The following TNXB variants were observed in gnomAD, a reference collection of about 807,000 sequenced individuals.
The protein encoded by TNXB is tenascin-X.
In TNXB, 183 loss-of-function variants were observed where a neutral mutation model predicts 340.5. The ratio of observed to expected loss-of-function variants is 0.54; its 90% CI spans 0.48 to 0.61. The LOEUF (loss-of-function observed/expected upper bound fraction) is 0.61. Ranked by LOEUF, TNXB falls within the 20% of genes least tolerant of loss-of-function variation. The pLI is 0.00. For missense variants in TNXB, 4,613 were observed against 5,446.4 expected, an observed-to-expected ratio of 0.85 and a Z score of 4.82; for synonymous variants, 2,121 against 2,314.5, an observed-to-expected ratio of 0.92 and a Z score of 2.40.
chr6:32,048,061 C>A, intron 29 of TNXB, 49 bp from the exon 30 acceptor site: 3 of 1,571,922 alleles, frequency 1.9e-6, no homozygotes, highest in Non-Finnish European at 2.6e-6. Flanking sequence ...GGCAAAGGGG[C>A]CACGGAGCTT....
chr6:32,072,756 C>A lies in TNXB; in HGVS notation c.4682-458G>T, dbSNP rs950826256. On this transcript the variant is annotated intron_variant, in intron 12 of 43. Transcript: ENST00000644971. This position sits in a 1 kb window ranked among gnomAD's most constrained non-coding sequence, Gnocchi z 4.4. ...CCTGAGGTCAGGAGTTTGAGGCCAGCCTGGCCAACATGGCGAAACCCTGTT... is the reference window on the plus strand; with the variant it reads ...CCTGAGGTCAGGAGTTTGAGGCCAGACTGGCCAACATGGCGAAACCCTGTT... Among the ~76,000 whole-genome samples, 3 of 152,200 alleles carry A rather than the reference C, an allele frequency of 2.0e-5. No homozygotes were observed. Among genetic ancestry groups the A allele is most frequent in the Admixed American group, 1.3e-4 (2 of 15,282 alleles).
Position 32,062,227 on chromosome 6 carries a change from C to T in TNXB, c.7098G>A (p.Lys2366=), listed in dbSNP as rs778533207. 2.5e-6 allele frequency: 4 copies of T among 1,613,302 alleles called. No homozygotes were observed. Among genetic ancestry groups the T allele is most frequent in the Non-Finnish European group, 3.4e-6 (4 of 1,179,894 alleles). Residue 2366 remains lysine, a synonymous_variant, in exon 20 of 44, where the codon AAG becomes AAA. Coordinates refer to ENST00000644971, the MANE Select transcript of TNXB (RefSeq NM_001365276.2). This position sits in a 1 kb window ranked among gnomAD's most constrained non-coding sequence, Gnocchi z 4.3. ...GGAAGCCGTACAGGTTCATCTTGTA[C>T]TTGTTGTCTGGCTCCAGGCCGGAGA... ...VTISGLEPDN[K]YKMNLYGFHG...
Position 32,081,410 on chromosome 6 carries a change from C to G in TNXB, c.4000G>C (p.Gly1334Arg), listed in dbSNP as rs1413459862. The G allele has an allele frequency of 1.3e-6, 2 of 1,549,770 alleles. No homozygotes were observed. Among genetic ancestry groups the G allele is most frequent in the African/African-American group, 2.7e-5 (2 of 73,276 alleles). Residue 1334 changes from glycine to arginine, a missense_variant, in exon 10 of 44, where the codon GGC becomes CGC. Gly to Arg is a moderately radical substitution (Grantham distance 125, BLOSUM62 -2). This residue lies in a region of TNXB where 4,327 missense variants were observed against 4,859.4 expected (regional missense o/e 0.89). Transcript: ENST00000644971. The surrounding 1 kb of genome is among the most constrained non-coding windows in gnomAD (Gnocchi z 5.1). ...KYKMNLYGLR[G>R]RQRVGPESVV... ...GACTCGGGCCCCACACGCTGCCTGC[C>G]ACGAAGCCCGTAGAGGTTCATCTTA...
In TNXB at chr6:32,089,041, A is replaced by G. The variant is rs1407946890; in HGVS notation, c.2523T>C (p.Asp841=). The change falls in exon 6 of 44, where the codon GAT becomes GAC. Residue 841 remains aspartate, a synonymous_variant. Coordinates refer to ENST00000644971, the MANE Select transcript of TNXB (RefSeq NM_001365276.2). This position sits in a 1 kb window ranked among gnomAD's most constrained non-coding sequence, Gnocchi z 6.2. Reference sequence around the variant, plus strand: ...CCACCACTCGGAGGTCCTGGGGCCCATCGATCACTAGCCAGGTTAAAGAGG... The same window carrying G: ...CCACCACTCGGAGGTCCTGGGGCCCGTCGATCACTAGCCAGGTTAAAGAGG... ...PASKTITTMI[D]GPQDLRVVAV... 2 of 1,608,702 alleles carry G rather than the reference A, an allele frequency of 1.2e-6. No individual in the cohort carries two copies. The highest frequency in any genetic ancestry group is 1.7e-6 in the Non-Finnish European group (2 of 1,177,926).
chr6:32,084,793 C>T lies in TNXB; in HGVS notation c.3149-84G>A. The T allele has an allele frequency of 7.7e-7, 1 of 1,304,848 alleles. No homozygotes were observed. Among genetic ancestry groups the T allele is most frequent in the Non-Finnish European group, 1.0e-6 (1 of 974,334 alleles). 80.8% of individuals were successfully genotyped at this position (1,304,848 alleles called of 1,614,324 possible). ...CTCCTTCCCTCTCCCCTGCCCACCTCACTCCATCCTGGATAGATCCCTCCC... is the reference window on the plus strand; with the variant it reads ...CTCCTTCCCTCTCCCCTGCCCACCTTACTCCATCCTGGATAGATCCCTCCC... On this transcript the variant is annotated intron_variant, in intron 7 of 43. Coordinates refer to ENST00000644971, the MANE Select transcript of TNXB (RefSeq NM_001365276.2). The surrounding 1 kb of genome is among the most constrained non-coding windows in gnomAD (Gnocchi z 5.5).
chr6:32,047,717 G>A lies in TNXB; in HGVS notation c.10324+17C>T. On this transcript the variant is annotated intron_variant, in intron 30 of 43. Transcript: ENST00000644971. This position sits in a 1 kb window ranked among gnomAD's most constrained non-coding sequence, Gnocchi z 6.2. The stretch of plus-strand genomic sequence containing the variant: ...AGAGGCAGCTCTGGAAAAGGTGGAG[G>A]CTGGACTGGGACTCACCTGTGGTGC... 1 of 1,571,842 alleles carries A rather than the reference G, an allele frequency of 6.4e-7. No individual in the cohort carries two copies.
In TNXB at chr6:32,068,300, C is replaced by A. The variant is rs113930600; in HGVS notation, c.6220+90G>T. 2.5e-3 allele frequency: 3,827 copies of A among 1,522,248 alleles called. 18 individuals are homozygous for A. Among genetic ancestry groups the A allele is most frequent in the African/African-American group, 0.015 (1,103 of 73,210 alleles). The allele number at this position is 1,522,248 out of a possible 1,614,324, so 94.3% of individuals were successfully genotyped here. ...AAGCAGGTCTGTGGTGCTGACCAGA[C>A]CCTTGTCCCATTCCCCACCAGTCAT... On this transcript the variant is annotated intron_variant, in intron 17 of 43. Coordinates refer to ENST00000644971, the MANE Select transcript of TNXB (RefSeq NM_001365276.2). The surrounding 1 kb of genome is among the most constrained non-coding windows in gnomAD (Gnocchi z 5.3).
At chr6:32,066,534 G>A (rs1159411764) in intron 18 of TNXB, among the ~76,000 whole-genome samples, 1 of 152,194 alleles carries the variant, frequency 6.6e-6, no homozygotes, top group Non-Finnish European at 1.5e-5. Flanking sequence ...TATTGTTTGA[G>A]TCCATTTATA....
chr6:32,071,912 G>A, intron 13 of TNXB, 78 bp downstream of exon 13: 2 of 1,285,308 alleles, frequency 1.6e-6, no homozygotes, highest in South Asian at 3.0e-5. Flanking sequence ...TGGACAAAGG[G>A]AAGACTCAGC....
intron 34 of TNXB, 42 bp downstream of exon 34, chr6:32,043,965 G>A (rs763132768): frequency 2.5e-6 from 4 of 1,608,384 alleles, no homozygotes; most frequent in Non-Finnish European, 8.5e-7. Flanking sequence ...GTGCAGGGGG[G>A]AGAGGAAATG....
rs753085036 is a variant in TNXB, at chr6:32,085,883, C to T, written c.3015G>A (p.Glu1005=). ...GGCGGACGTCCCCTGGCAGCACTTC[C>T]TCATGTGCCCCCGGCCCCTCGGGCA... The part of the protein sequence containing the change: ...MRVPEGPGAH[E]EVLPGDVRQA... Residue 1005 remains glutamate, a synonymous_variant, in exon 7 of 44, where the codon GAG becomes GAA. Transcript: ENST00000644971. The surrounding 1 kb of genome is among the most constrained non-coding windows in gnomAD (Gnocchi z 6.4). The T allele has an allele frequency of 6.2e-7, 1 of 1,608,440 alleles. No homozygotes were observed. Among genetic ancestry groups the T allele is most frequent in the South Asian group, 1.1e-5 (1 of 90,100 alleles).
Position 32,046,224 on chromosome 6 carries a change from C to A in TNXB, c.10557G>T (p.Gly3519=). 6.2e-7 allele frequency: 1 copy of A among 1,601,100 alleles called. No homozygotes were observed. The highest frequency in any genetic ancestry group is 8.5e-7 in the Non-Finnish European group (1 of 1,174,240). ...GGCCCAGGCGCTTTCCCCCAAGGAG[C>A]CCGTAGAGCAGAAACTTGTATTTCT... The part of the protein sequence containing the change: ...PGKKYKFLLY[G]LLGGKRLGPV... Residue 3519 remains glycine (G), a synonymous_variant, in exon 31 of 44, where the codon GGG becomes GGT. Coordinates refer to ENST00000644971, the MANE Select transcript of TNXB (RefSeq NM_001365276.2). This position sits in a 1 kb window ranked among gnomAD's most constrained non-coding sequence, Gnocchi z 6.9.
At chr6:32,094,397 CT>C (rs1210872637) in intron 4 of TNXB, among the ~76,000 whole-genome samples, 2 of 151,950 alleles carry the variant, frequency 1.3e-5, no homozygotes, top group African/African-American at 4.8e-5. Flanking sequence ...GCCTATATTA[CT>C]TTTATAATTA....
chr6:32,081,934 G>T lies in TNXB; in HGVS notation c.3736+102C>A. 1 of 1,209,698 alleles carries T rather than the reference G, an allele frequency of 8.3e-7. No individual in the cohort carries two copies. The highest frequency in any genetic ancestry group is 1.2e-6 in the Non-Finnish European group (1 of 868,580). 74.9% of individuals were successfully genotyped at this position (1,209,698 alleles called of 1,614,324 possible). On this transcript the variant is annotated intron_variant, in intron 9 of 43. Transcript: ENST00000644971. The surrounding 1 kb of genome is among the most constrained non-coding windows in gnomAD (Gnocchi z 5.1). The stretch of plus-strand genomic sequence containing the variant: ...CCTGGAGTGGGGCCGGGAAGCTGGA[G>T]TCAGCTGTCTTGCTGGGGGACCCCA...
At position 32,053,654 on chromosome 6, in the gene TNXB, G is replaced by C; in HGVS notation, c.8525C>G (p.Pro2842Arg). ...CAGCTCCCCGAGGCGAGGCTTGTTG[G>C]GGGGCTCAGGGGTTGTGGTGGGCAC... is the stretch of plus-strand genomic sequence containing the variant. ...QAVPTTTPEP[P>R]NKPRLGELTV... The change falls in exon 25 of 44, where the codon CCC (proline) becomes CGC (arginine). Residue 2842 changes from proline to arginine, a missense_variant. Pro to Arg is a moderately radical substitution (Grantham distance 103). This residue lies in a region of TNXB where 4,327 missense variants were observed against 4,859.4 expected (regional missense o/e 0.89). Coordinates refer to ENST00000644971, the MANE Select transcript of TNXB (RefSeq NM_001365276.2). 4.3e-6 allele frequency: 7 copies of C among 1,613,372 alleles called. No individual in the cohort carries two copies. The highest frequency in any genetic ancestry group is 1.1e-5 in the South Asian group (1 of 91,072).
chr6:32,088,716 T>C, intron 6 of TNXB, 69 bp downstream of exon 6: 1 of 1,520,634 alleles, frequency 6.6e-7, no homozygotes, highest in Middle Eastern at 2.3e-4. Context: ...GCCCTGAGCC[T>C]GGGCTCCTGA....
Position 32,087,843 on chromosome 6 carries a change from T to G in TNXB, c.2779+942A>C. 2.1e-6 allele frequency: 1 copy of G among 486,844 alleles called. No individual in the cohort carries two copies. Among genetic ancestry groups the G allele is most frequent in the Non-Finnish European group, 4.1e-6 (1 of 245,904 alleles). The allele number at this position is 486,844 out of a possible 1,614,324, so 30.2% of individuals were successfully genotyped here. A position where few individuals can be genotyped will look rare whatever the true frequency, so the allele number is the denominator to read the frequency against. The stretch of plus-strand genomic sequence containing the variant: ...GCCGCCGTGGGGGCTGGGACAGGCT[T>G]GGCCTGGGCGGGGACTCCTCCTCCC... On this transcript the variant is annotated intron_variant, in intron 6 of 43. Coordinates refer to ENST00000644971, the MANE Select transcript of TNXB (RefSeq NM_001365276.2). The surrounding 1 kb of genome is among the most constrained non-coding windows in gnomAD (Gnocchi z 9.0).
In TNXB at chr6:32,068,516, T is replaced by G. The variant is rs1301230783; in HGVS notation, c.6094A>C (p.Arg2032=). 3.7e-6 allele frequency: 6 copies of G among 1,613,954 alleles called. No individual in the cohort carries two copies. The highest frequency in any genetic ancestry group is 5.1e-6 in the Non-Finnish European group (6 of 1,179,898). ...ACCCCTTCCTCGTGCCCTGGCACCCTCACTGCCTTGGGCTGCCCATCTCCA... is the reference window on the plus strand; with the variant it reads ...ACCCCTTCCTCGTGCCCTGGCACCCGCACTGCCTTGGGCTGCCCATCTCCA... ...RNGDGQPKAV[R]VPGHEEGVTI... The change falls in exon 17 of 44, where the codon AGG becomes CGG. Residue 2032 remains arginine, a synonymous_variant. Transcript: ENST00000644971. The surrounding 1 kb of genome is among the most constrained non-coding windows in gnomAD (Gnocchi z 5.3).
rs957093897 is a variant in TNXB, at chr6:32,075,895, C to G, written c.4376-1943G>C. On this transcript the variant is annotated intron_variant, in intron 11 of 43. Coordinates refer to ENST00000644971, the MANE Select transcript of TNXB (RefSeq NM_001365276.2). The surrounding 1 kb of genome is among the most constrained non-coding windows in gnomAD (Gnocchi z 4.6). ...TCCCAAGAACTTGTTTCTCTGGCTTCCTCCGGAGGGCAAGACAAGGCTCCA... is the reference window on the plus strand; with the variant it reads ...TCCCAAGAACTTGTTTCTCTGGCTTGCTCCGGAGGGCAAGACAAGGCTCCA... Among the ~76,000 whole-genome samples, 3 of 152,180 alleles carry G rather than the reference C, an allele frequency of 2.0e-5. No homozygotes were observed. Among genetic ancestry groups the G allele is most frequent in the African/African-American group, 7.2e-5 (3 of 41,440 alleles).
Sources: allele counts gnomAD v4.1 joint callset (sites outside exome capture counted in the v4.1 genomes callset), GRCh38; gene constraint gnomAD v4.1.1; regional missense constraint gnomAD v4.1.1; non-coding constraint Gnocchi (gnomAD v3.1); transcripts MANE v1.5; gene names NCBI Gene and HGNC (gene_info 2026-07-23, HGNC 2026-07-21).